Variants in SPINK14 observed in about 807,000 individuals in gnomAD.
SPINK14 encodes the protein serine protease inhibitor Kazal-type 14.
SPINK14 carries 6 observed loss-of-function variants against 14.2 expected under a neutral mutation model. The observed-to-expected ratio is 0.42, with a 90% CI of 0.23 to 0.83. The LOEUF (loss-of-function observed/expected upper bound fraction) is 0.83, where lower values mean the gene tolerates loss of function less well. SPINK14 is among the 40% of genes least tolerant of loss of function. The pLI, the probability that SPINK14 is intolerant of heterozygous loss-of-function variation, is 0.28. For missense variants in SPINK14, 86 were observed against 108.3 expected (o/e 0.79, Z 0.91); for synonymous variants, 34 against 36.8 (o/e 0.92, Z 0.27).
intron 1 of SPINK14, among the ~76,000 whole-genome samples, 99 bp from the exon 2 acceptor site, chr5:148,169,562 T>C (rs1755073087): frequency 6.6e-6 from 1 of 152,164 alleles, no homozygotes; most frequent in Admixed American, 6.6e-5. Context: ...AAGAATGGAA[T>C]AGGCTTTCCA....
chr5:148,169,837 T>G, intron 2 of SPINK14, 38 bp downstream of exon 2: 1 of 1,557,406 alleles, frequency 6.4e-7, no homozygotes, highest in South Asian at 1.1e-5. Context: ...CAGTTGAAAT[T>G]GATTTGTGGG....
intron 4 of SPINK14, among the ~76,000 whole-genome samples, chr5:148,174,726 A>C (rs969120650): frequency 7.2e-5 from 11 of 151,914 alleles, no homozygotes; most frequent in African/African-American, 2.7e-4. Context: ...AAATATCTTC[A>C]CCCCCTTATG....
chr5:148,174,587 G>A lies in SPINK14; in HGVS notation c.248+217G>A, dbSNP rs1286063537. Among the ~76,000 whole-genome samples, 8 of 89,188 alleles carry A rather than the reference G, an allele frequency of 9.0e-5. 4 individuals are homozygous for A. The highest frequency in any genetic ancestry group is 1.9e-4 in the African/African-American group (4 of 20,606). 58.5% of individuals were successfully genotyped at this position (89,188 alleles called of 152,430 possible). ...GTACCGAATGACATTCCTCAGGTCC[G>A]TTCTGGTATCTGAGCCCTTACATTC... On this transcript the variant is annotated intron_variant, in intron 4 of 4. Transcript: ENST00000356972.
chr5:148,172,201 C>G (rs1006320653), intron 3 of SPINK14, among the ~76,000 whole-genome samples: 8 of 152,056 alleles, frequency 5.3e-5, no homozygotes, highest in Non-Finnish European at 8.8e-5. Flanking sequence ...ATGGGGATAT[C>G]TAAGGTGAGA....
intron 2 of SPINK14, 107 bp downstream of exon 2, chr5:148,169,906 A>G: frequency 1.4e-6 from 1 of 721,046 alleles, no homozygotes; most frequent in Non-Finnish European, 2.2e-6. Context: ...TGGGATGAAT[A>G]TATATATATG....
Position 148,175,464 on chromosome 5 carries a change from T to C in SPINK14, c.*66T>C. ...TCCTCCATGTCTCCAATCTCCCTCT[T>C]GCGCTTTTTACATCTCCTTGCATTT... On this transcript the variant is annotated 3_prime_UTR_variant, in exon 5 of 5. Coordinates refer to ENST00000356972, the MANE Select transcript of SPINK14 (RefSeq NM_001001325.2). 4 of 1,186,432 alleles carry C rather than the reference T, an allele frequency of 3.4e-6. No individual in the cohort carries two copies. The highest frequency in any genetic ancestry group is 5.0e-6 in the Non-Finnish European group (4 of 804,000). 73.5% of individuals were successfully genotyped at this position (1,186,432 alleles called of 1,614,324 possible).
At chr5:148,172,745 TA>T (rs1391563739) in intron 3 of SPINK14, among the ~76,000 whole-genome samples, 1 of 152,152 alleles carries the variant, frequency 6.6e-6, no homozygotes, top group Non-Finnish European at 1.5e-5. Context: ...ACCTGAGCTC[TA>T]AAGTTAGAAT....
chr5:148,169,677 CA>C lies in SPINK14; in HGVS notation c.-54del, dbSNP rs1488243463. On this transcript the variant is annotated 5_prime_UTR_variant, in exon 2 of 5. Transcript: ENST00000356972. ...CTACTTTAGTGATTGTATTAGAGGG[CA>C]ACAACCTGAGACAATATTTCAGAGC... is the stretch of plus-strand genomic sequence containing the variant. 2.1e-6 allele frequency: 3 copies of C among 1,443,538 alleles called. No homozygotes were observed. The highest frequency in any genetic ancestry group is 1.8e-5 in the Admixed American group (1 of 57,096). The allele number at this position is 1,443,538 out of a possible 1,614,324, so 89.4% of individuals were successfully genotyped here. A position where few individuals can be genotyped will look rare whatever the true frequency, so the allele number is the denominator to read the frequency against.
Position 148,169,325 on chromosome 5 carries a change from C to T in SPINK14, c.-72-336C>T, listed in dbSNP as rs575065043. On this transcript the variant is annotated intron_variant, in intron 1 of 4. Transcript: ENST00000356972. ...CATGTTGTCTAGGGACCTCAATAGC[C>T]CCATCTTTTTTTTTGCATCCCCTCA... Among the ~76,000 whole-genome samples the T allele has an allele frequency of 2.0e-3, 196 of 96,430 alleles. 1 individual carries two copies. The highest frequency in any genetic ancestry group is 8.6e-3 in the African/African-American group (167 of 19,366). 63.3% of individuals were successfully genotyped at this position (96,430 alleles called of 152,430 possible).
At chr5:148,170,067 A>T (rs1755081504) in intron 2 of SPINK14, among the ~76,000 whole-genome samples, 1 of 134,364 alleles carries the variant, frequency 7.4e-6, no homozygotes, top group African/African-American at 2.7e-5. Flanking sequence ...ATTTGTATAT[A>T]CACACATATA....
At chr5:148,169,177 C>T (rs960228454) in intron 1 of SPINK14, among the ~76,000 whole-genome samples, 1 of 152,114 alleles carries the variant, frequency 6.6e-6, no homozygotes, top group African/African-American at 2.4e-5. Context: ...GTCTGGGATT[C>T]AACATCAGAA....
rs1468394686 is a variant in SPINK14 at position 148,175,401 on chromosome 5, G to C, written c.*3G>C. Reference sequence around the variant, plus strand: ...TTTACCATGATGGAAAATGTTAGCTGAGTGGACTTGAATGTGGAAGATATC... The same window carrying C: ...TTTACCATGATGGAAAATGTTAGCTCAGTGGACTTGAATGTGGAAGATATC... On this transcript the variant is annotated 3_prime_UTR_variant, in exon 5 of 5. Transcript: ENST00000356972. 6.2e-7 allele frequency: 1 copy of C among 1,601,214 alleles called. No homozygotes were observed. The highest frequency in any genetic ancestry group is 8.5e-7 in the Non-Finnish European group (1 of 1,171,904).
At position 148,170,975 on chromosome 5, in the gene SPINK14, TAATGTTCCATTA is replaced by T; in HGVS notation, c.111+6_111+17del. The T allele has an allele frequency of 6.2e-7, 1 of 1,611,992 alleles. No individual in the cohort carries two copies. Among genetic ancestry groups the T allele is most frequent in the Non-Finnish European group, 8.5e-7 (1 of 1,178,446 alleles). On this transcript the variant is annotated splice_donor_5th_base_variant and intron_variant, in intron 3 of 4. Transcript: ENST00000356972. ...TGGCCACCACGTGGAATTATTAAGG[TAATGTTCCATTA>T]AATTTCCCCCCAGGACTTACATTAT...
chr5:148,170,690 C>T (rs1319194151), intron 2 of SPINK14, among the ~76,000 whole-genome samples: 1 of 152,152 alleles, frequency 6.6e-6, no homozygotes. Flanking sequence ...ATTTAGTACA[C>T]TGGACTGCCA....
chr5:148,174,890 A>C (rs1354622935), intron 4 of SPINK14, among the ~76,000 whole-genome samples: 1 of 152,092 alleles, frequency 6.6e-6, no homozygotes, highest in Non-Finnish European at 1.5e-5. Context: ...TTCCTATATG[A>C]GTGAGTGCAT....
At chr5:148,171,044 T>C (rs1755098598) in intron 3 of SPINK14, 71 bp downstream of exon 3, 2 of 1,453,184 alleles carry the variant, frequency 1.4e-6, no homozygotes, top group African/African-American at 1.4e-5. Context: ...GAATTGTTAC[T>C]GTGGAAACTT....
At chr5:148,174,159 C>A in intron 3 of SPINK14, 75 bp from the exon 4 acceptor site, 1 of 869,352 alleles carries the variant, frequency 1.2e-6, no homozygotes, top group Non-Finnish European at 1.7e-6. Flanking sequence ...TTAGATTTTT[C>A]CTAATAAAGT....
At chr5:148,175,268 GT>G in intron 4 of SPINK14, 84 bp from the exon 5 acceptor site, 1 of 907,804 alleles carries the variant, frequency 1.1e-6, no homozygotes, top group Non-Finnish European at 1.7e-6. Flanking sequence ...ATAAAACCAG[GT>G]TTTAGATAGA....
chr5:148,170,719 T>C (rs1477199517), intron 2 of SPINK14, among the ~76,000 whole-genome samples: 1 of 152,162 alleles, frequency 6.6e-6, no homozygotes, highest in African/African-American at 2.4e-5. Flanking sequence ...GAAACAGTGA[T>C]GCATCTATAT....
Sources: allele counts gnomAD v4.1 joint callset (sites outside exome capture counted in the v4.1 genomes callset), GRCh38; gene constraint gnomAD v4.1.1; transcripts MANE v1.5; gene names NCBI Gene and HGNC (gene_info 2026-07-23, HGNC 2026-07-21).